Variants in SLC9A9 observed in about 807,000 individuals in gnomAD.
The protein encoded by SLC9A9 is sodium/hydrogen exchanger 9.
SLC9A9 carries 62 observed loss-of-function variants against 77.8 expected under a neutral mutation model. The observed-to-expected ratio is 0.80, with a 90% CI of 0.65 to 0.98. SLC9A9 has a LOEUF of 0.98. Among genes scored for constraint, SLC9A9 ranks in the 50% least tolerant of loss-of-function variants. The pLI is 0.00. For synonymous variants in SLC9A9, 320 were observed against 283.5 expected, an observed-to-expected ratio of 1.13 and a Z score of -1.29; for missense variants, 775 against 774.9, an observed-to-expected ratio of 1.00 and a Z score of 0.00.
At chr3:143,497,031 G>C (rs1413510163) in intron 9 of SLC9A9, among the ~76,000 whole-genome samples, 1 of 152,004 alleles carries the variant, frequency 6.6e-6, no homozygotes, top group African/African-American at 2.4e-5. Context: ...AATTTCTAAG[G>C]GTTCTATTAT....
chr3:143,463,122 G>A (rs967785296), intron 12 of SLC9A9, among the ~76,000 whole-genome samples: 2 of 152,216 alleles, frequency 1.3e-5, no homozygotes, highest in African/African-American at 4.8e-5. Flanking sequence ...AAATTTGGAA[G>A]CTGTAAAGGT....
intron 4 of SLC9A9, among the ~76,000 whole-genome samples, chr3:143,758,885 A>G (rs2007020236): frequency 6.6e-6 from 1 of 152,170 alleles, no homozygotes; most frequent in Non-Finnish European, 1.5e-5. Flanking sequence ...AAGTTTCTAC[A>G]GCCTCAGAAA....
At chr3:143,319,251 G>A (rs904863627) in intron 14 of SLC9A9, among the ~76,000 whole-genome samples, 7 of 152,292 alleles carry the variant, frequency 4.6e-5, no homozygotes, top group Admixed American at 1.3e-4. Context: ...TCCTCAAGGT[G>A]CGCCCCAAAC....
chr3:143,456,943 T>A (rs904698961), intron 12 of SLC9A9, among the ~76,000 whole-genome samples: 3 of 152,186 alleles, frequency 2.0e-5, no homozygotes, highest in Non-Finnish European at 4.4e-5. Context: ...TGTCAAGAAT[T>A]GTTACATTTA....
chr3:143,471,625 C>T (rs1190112637), intron 11 of SLC9A9, among the ~76,000 whole-genome samples: 2 of 152,224 alleles, frequency 1.3e-5, no homozygotes, highest in East Asian at 3.9e-4. Flanking sequence ...TTTATGAATA[C>T]TCTGAGTTTG....
chr3:143,609,497 T>C (rs867553864), intron 6 of SLC9A9, among the ~76,000 whole-genome samples: 84 of 152,294 alleles, frequency 5.5e-4, no homozygotes, highest in Middle Eastern at 3.4e-3. Context: ...TAAAATTTTA[T>C]CAATCAAAGA....
intron 6 of SLC9A9, among the ~76,000 whole-genome samples, chr3:143,640,872 T>C (rs968800833): frequency 9.2e-5 from 14 of 151,890 alleles, no homozygotes; most frequent in African/African-American, 3.4e-4. Context: ...CAAAACAAAA[T>C]AAAACTGATT....
intron 12 of SLC9A9, among the ~76,000 whole-genome samples, chr3:143,446,882 G>A (rs7643113): frequency 0.055 from 8,319 of 151,234 alleles, 789 homozygotes; most frequent in African/African-American, 0.19. Flanking sequence ...GTGTATGTGT[G>A]TGTGTGTGTG....
At chr3:143,292,550 T>C (rs985674453) in intron 14 of SLC9A9, among the ~76,000 whole-genome samples, 1 of 152,068 alleles carries the variant, frequency 6.6e-6, no homozygotes, top group Non-Finnish European at 1.5e-5. Context: ...TCTACTCTCC[T>C]GTGTTTGCTG....
chr3:143,822,881 A>T (rs1223416860), intron 2 of SLC9A9, among the ~76,000 whole-genome samples: 1 of 151,966 alleles, frequency 6.6e-6, no homozygotes, highest in South Asian at 2.1e-4. Flanking sequence ...CCTGCCTTGA[A>T]TCTCTCTCTG....
chr3:143,359,244 C>T (rs1185230322), intron 14 of SLC9A9, among the ~76,000 whole-genome samples: 1 of 152,168 alleles, frequency 6.6e-6, no homozygotes, highest in Non-Finnish European at 1.5e-5. Flanking sequence ...TGTCCACTCC[C>T]TGCCAGGCAT....
intron 14 of SLC9A9, among the ~76,000 whole-genome samples, chr3:143,310,721 C>T (rs2030986493): frequency 6.6e-6 from 1 of 152,070 alleles, no homozygotes; most frequent in East Asian, 1.9e-4. Flanking sequence ...CCTGTGTGTG[C>T]AGAGAGGGCA....
chr3:143,517,602 T>C (rs2036227214), intron 9 of SLC9A9: 3 of 1,597,400 alleles, frequency 1.9e-6, no homozygotes, highest in Admixed American at 1.7e-5. Context: ...TAATCCAATT[T>C]ACAGGCAAGG....
intron 5 of SLC9A9, chr3:143,655,631 A>G (rs2038875967): frequency 2.0e-6 from 2 of 985,090 alleles, no homozygotes; most frequent in Non-Finnish European, 2.4e-6. Context: ...TTGATAATAA[A>G]AGATACAAGC....
intron 4 of SLC9A9, among the ~76,000 whole-genome samples, chr3:143,730,333 C>T (rs1045516862): frequency 6.6e-6 from 1 of 152,230 alleles, no homozygotes; most frequent in Admixed American, 6.5e-5. Context: ...ACAAAGTTAA[C>T]TCATCTCTTT....
At chr3:143,774,925 C>T (rs1312276128) in intron 4 of SLC9A9, among the ~76,000 whole-genome samples, 1 of 152,164 alleles carries the variant, frequency 6.6e-6, no homozygotes, top group African/African-American at 2.4e-5. Flanking sequence ...TTTCTGGCTT[C>T]TCTAATCCCA....
intron 4 of SLC9A9, among the ~76,000 whole-genome samples, chr3:143,778,995 T>C (rs1164306072): frequency 6.6e-6 from 1 of 152,232 alleles, no homozygotes; most frequent in African/African-American, 2.4e-5. Flanking sequence ...TTCAATGACA[T>C]GAATTTATAC....
chr3:143,430,088 G>C (rs1027402648), intron 12 of SLC9A9, among the ~76,000 whole-genome samples: 1 of 152,192 alleles, frequency 6.6e-6, no homozygotes, highest in African/African-American at 2.4e-5. Context: ...GCATCTAGGG[G>C]AGAGGGCATT....
intron 9 of SLC9A9, among the ~76,000 whole-genome samples, chr3:143,549,524 G>A (rs551883293): frequency 2.4e-4 from 37 of 152,330 alleles, no homozygotes; most frequent in African/African-American, 8.7e-4. Context: ...AAAAAAGGCA[G>A]TGTGGGGAAC....
Sources: allele counts gnomAD v4.1 joint callset (sites outside exome capture counted in the v4.1 genomes callset), GRCh38; gene constraint gnomAD v4.1.1; transcripts MANE v1.5; gene names NCBI Gene and HGNC (gene_info 2026-07-23, HGNC 2026-07-21).